ADAP2: variants seen among roughly 807,000 people sequenced by gnomAD.
The protein encoded by ADAP2 is ArfGAP with dual PH domains 2.
ADAP2 carries 42 observed loss-of-function variants against 54.9 expected under a neutral mutation model. The ratio of observed to expected loss-of-function variants is 0.77; its 90% confidence interval spans 0.60 to 0.99. ADAP2 has a LOEUF of 0.99. Ranked by LOEUF, ADAP2 falls within the 50% of genes least tolerant of loss-of-function variation. ADAP2 has a pLI of 0.00. For missense variants in ADAP2, 429 were observed against 480.4 expected (o/e 0.89, Z 1.00); for synonymous variants, 177 against 180.1 (o/e 0.98, Z 0.14).
rs901741670 is a variant in ADAP2, at chr17:30,949,767, AAAG to A, written c.741+407_741+409del. 4.0e-5 allele frequency among the ~76,000 whole-genome samples: 6 copies of A among 150,084 alleles called. No homozygotes were observed. In the East Asian group the frequency reaches 5.8e-4, roughly 15 times the overall value. On this transcript the variant is annotated intron_variant, in intron 7 of 10. Transcript: ENST00000330889. ...CCGTCTCAAAAAAAAAAAAAAAAAA[AAAG>A]AAGAAGAAGCCAGACTAGTTTTGTT...
chr17:30,952,279 T>C (rs994536263), intron 7 of ADAP2, among the ~76,000 whole-genome samples: 1 of 152,178 alleles, frequency 6.6e-6, no homozygotes, highest in Non-Finnish European at 1.5e-5. Flanking sequence ...ACAAAGGTAA[T>C]GCAGCTGATG....
At chr17:30,923,809 C>G (rs1910829375) in intron 2 of ADAP2, among the ~76,000 whole-genome samples, 1 of 148,404 alleles carries the variant, frequency 6.7e-6, no homozygotes, top group East Asian at 2.1e-4. Flanking sequence ...AAGCAATTCT[C>G]CTGCCTCAGC....
chr17:30,935,416 T>A (rs890471035), intron 5 of ADAP2, among the ~76,000 whole-genome samples: 10 of 151,828 alleles, frequency 6.6e-5, no homozygotes, highest in Admixed American at 2.0e-4. Flanking sequence ...TAGACAACAA[T>A]GAGAGTGTGT....
At chr17:30,955,662 A>T (rs540759735) in intron 9 of ADAP2, among the ~76,000 whole-genome samples, 1 of 151,140 alleles carries the variant, frequency 6.6e-6, no homozygotes, top group African/African-American at 2.4e-5. Context: ...GGTGCATGCC[A>T]TTGCACTCCA....
chr17:30,947,268 A>T (rs1403450529), intron 6 of ADAP2, among the ~76,000 whole-genome samples: 1 of 152,174 alleles, frequency 6.6e-6, no homozygotes, highest in East Asian at 1.9e-4. Context: ...TGGCACCAGG[A>T]TCACCAGATT....
At chr17:30,922,877 G>T in intron 1 of ADAP2, 63 bp from the exon 2 acceptor site, 5 of 1,583,052 alleles carry the variant, frequency 3.2e-6, no homozygotes, top group Middle Eastern at 1.9e-4. Flanking sequence ...AGTGCCCCGA[G>T]CCCAGCCCTG....
At chr17:30,956,792 A>G (rs1366487845) in intron 10 of ADAP2, 3 of 317,406 alleles carry the variant, frequency 9.5e-6, no homozygotes, top group Admixed American at 4.3e-5. Context: ...ACCGTGCTCT[A>G]TGCTGATCCT....
At chr17:30,931,803 TG>T in intron 3 of ADAP2, 85 bp from the exon 4 acceptor site, 1 of 980,800 alleles carries the variant, frequency 1.0e-6, no homozygotes, top group Non-Finnish European at 1.5e-6. Flanking sequence ...CACTCCAGCC[TG>T]GGCAACAGAG....
chr17:30,956,149 C>A, intron 9 of ADAP2, 92 bp from the exon 10 acceptor site: 2 of 1,179,066 alleles, frequency 1.7e-6, no homozygotes, highest in Non-Finnish European at 2.4e-6. Context: ...CCTCATACCC[C>A]TTTCCCAAAA....
chr17:30,938,715 C>G (rs1567719742), intron 5 of ADAP2, among the ~76,000 whole-genome samples: 1 of 152,134 alleles, frequency 6.6e-6, no homozygotes, highest in Non-Finnish European at 1.5e-5. Flanking sequence ...ATTATATATT[C>G]CCCCTGTTGC....
chr17:30,934,763 G>A (rs112287936), intron 5 of ADAP2, among the ~76,000 whole-genome samples: 185 of 152,326 alleles, frequency 1.2e-3, no homozygotes, highest in African/African-American at 4.1e-3. Flanking sequence ...GCGCACAGTA[G>A]CTCACACCTA....
At chr17:30,957,030 C>T (rs1429893554) in intron 10 of ADAP2, 5 of 156,346 alleles carry the variant, frequency 3.2e-5, no homozygotes, top group South Asian at 1.9e-4. Context: ...TGCCGAGCTC[C>T]GGCAGGAAAC....
chr17:30,942,973 G>A (rs915732089), intron 5 of ADAP2, among the ~76,000 whole-genome samples: 4 of 152,190 alleles, frequency 2.6e-5, no homozygotes, highest in Admixed American at 1.3e-4. Context: ...GTTCAGCCAC[G>A]GTAGAAAGCA....
intron 1 of ADAP2, among the ~76,000 whole-genome samples, chr17:30,922,525 G>T (rs1473976353): frequency 6.6e-6 from 1 of 151,988 alleles, no homozygotes; most frequent in Non-Finnish European, 1.5e-5. Flanking sequence ...GCTAAACGTC[G>T]GGCCCAGGCC....
chr17:30,933,958 G>A (rs1015157678), intron 4 of ADAP2, among the ~76,000 whole-genome samples: 1 of 152,206 alleles, frequency 6.6e-6, no homozygotes, highest in Non-Finnish European at 1.5e-5. Flanking sequence ...GAAAGTCAAG[G>A]AAGAAAGGTT....
intron 1 of ADAP2, among the ~76,000 whole-genome samples, 169 bp from the exon 2 acceptor site, chr17:30,922,771 C>A (rs1203303984): frequency 6.6e-6 from 1 of 152,250 alleles, no homozygotes; most frequent in East Asian, 1.9e-4. Context: ...GGATCTTCAC[C>A]CCGGTCGCCG....
chr17:30,927,122 T>C (rs548878043), intron 3 of ADAP2, among the ~76,000 whole-genome samples: 111 of 152,228 alleles, frequency 7.3e-4, no homozygotes, highest in African/African-American at 2.6e-3. Flanking sequence ...TGCTTGGGCG[T>C]GTCTCTTCCT....
chr17:30,944,668 C>T (rs532953134), intron 5 of ADAP2, among the ~76,000 whole-genome samples: 44 of 152,194 alleles, frequency 2.9e-4, no homozygotes, highest in African/African-American at 1.0e-3. Flanking sequence ...CCAAGTTGGC[C>T]AGGCTGGTTT....
At chr17:30,934,339 C>G in intron 5 of ADAP2, 42 bp downstream of exon 5, 1 of 1,360,006 alleles carries the variant, frequency 7.4e-7, no homozygotes, top group Non-Finnish European at 1.0e-6. Flanking sequence ...TTCCTGAGCA[C>G]TCTCACCCGA....
Sources: allele counts gnomAD v4.1 joint callset (sites outside exome capture counted in the v4.1 genomes callset), GRCh38; gene constraint gnomAD v4.1.1; transcripts MANE v1.5; gene names NCBI Gene and HGNC (gene_info 2026-07-23, HGNC 2026-07-21).